The following SLC4A10 variants were observed in gnomAD, a reference collection of about 807,000 sequenced individuals.
The protein encoded by SLC4A10 is solute carrier family 4 member 10, also known as sodium-driven chloride bicarbonate exchanger.
SLC4A10 carries 42 observed loss-of-function variants against 137.7 expected under a neutral mutation model. The ratio of observed to expected loss-of-function variants is 0.30; its 90% confidence interval spans 0.24 to 0.39. SLC4A10 has a LOEUF of 0.39. SLC4A10 is among the 10% of genes least tolerant of loss of function. The probability of loss-of-function intolerance (pLI) is 1.00; values close to 1 mark genes in which losing one functional copy is unlikely to be tolerated. For synonymous variants in SLC4A10, 474 were observed against 464.1 expected (o/e 1.02, Z -0.27); for missense variants, 925 against 1,355.0 (o/e 0.68, Z 4.98).
chr2:161,732,048 A>G (rs2046873927), intron 1 of SLC4A10, among the ~76,000 whole-genome samples: 1 of 152,218 alleles, frequency 6.6e-6, no homozygotes, highest in Non-Finnish European at 1.5e-5. Context: ...CATGGAAAAG[A>G]GTGCAGAGCT....
chr2:161,912,920 G>A (rs1042499139), intron 15 of SLC4A10, among the ~76,000 whole-genome samples: 3 of 11,530 alleles, frequency 2.6e-4, no homozygotes, highest in African/African-American at 8.8e-4. Context: ...CTGATCCTAT[G>A]TCCAGCTATT....
intron 3 of SLC4A10, among the ~76,000 whole-genome samples, chr2:161,805,592 C>T (rs1036068601): frequency 6.6e-6 from 1 of 152,148 alleles, no homozygotes; most frequent in African/African-American, 2.4e-5. Context: ...AACAAAGGGG[C>T]TACAGGCCCA....
chr2:161,983,901 A>G lies in SLC4A10; in HGVS notation c.*749A>G, dbSNP rs1430560976. ...AATTCAAGTTGTGACTAATGATCAA[A>G]TACTAGGCTTGTACGAAATGCTTTA... is the stretch of plus-strand genomic sequence containing the variant. On this transcript the variant is annotated 3_prime_UTR_variant, in exon 27 of 27. Coordinates refer to ENST00000446997, the MANE Select transcript of SLC4A10 (RefSeq NM_001178015.2). 2.0e-5 allele frequency: 3 copies of G among 152,248 alleles called. No individual in the cohort carries two copies. The highest frequency in any genetic ancestry group is 4.4e-5 in the Non-Finnish European group (3 of 68,040). The allele number at this position is 152,248 out of a possible 1,614,324, so 9.4% of individuals were successfully genotyped here.
intron 22 of SLC4A10, 52 bp from the exon 23 acceptor site, chr2:161,964,999 C>T: frequency 6.5e-7 from 1 of 1,533,398 alleles, no homozygotes; most frequent in Non-Finnish European, 8.9e-7. Context: ...CAAATCTACA[C>T]CTCTCGTTTT....
At chr2:161,699,265 C>T (rs932602995) in intron 1 of SLC4A10, among the ~76,000 whole-genome samples, 2 of 152,138 alleles carry the variant, frequency 1.3e-5, no homozygotes, top group African/African-American at 2.4e-5. Context: ...CGTGATCTGT[C>T]GGCCTCGGCC....
chr2:161,842,685 A>G (rs2059254459), intron 4 of SLC4A10, among the ~76,000 whole-genome samples: 1 of 152,162 alleles, frequency 6.6e-6, no homozygotes, highest in Admixed American at 6.5e-5. Flanking sequence ...AACCTGGTAC[A>G]TATTAAGATT....
At chr2:161,734,747 T>A (rs77135462) in intron 1 of SLC4A10, among the ~76,000 whole-genome samples, 5,392 of 128,540 alleles carry the variant, frequency 0.042, 146 homozygotes, top group African/African-American at 0.11. Context: ...GTATATATAT[T>A]TTTTTTCTGA....
intron 4 of SLC4A10, among the ~76,000 whole-genome samples, chr2:161,847,178 G>A (rs1259005486): frequency 6.6e-6 from 1 of 151,914 alleles, no homozygotes; most frequent in African/African-American, 2.4e-5. Context: ...AGGAGGTTGT[G>A]GCTGCAGTGA....
chr2:161,894,894 AT>A (rs1312319448), intron 11 of SLC4A10, 69 bp downstream of exon 11: 12 of 884,298 alleles, frequency 1.4e-5, no homozygotes, highest in African/African-American at 1.1e-4. Context: ...GTTTTATTTT[AT>A]TTTATTTATT....
At chr2:161,882,308 T>A in intron 9 of SLC4A10, 49 bp from the exon 10 acceptor site, 1 of 1,194,774 alleles carries the variant, frequency 8.4e-7, no homozygotes, top group Non-Finnish European at 1.2e-6. Context: ...ATTACTAAAA[T>A]TATTTTTATA....
chr2:161,729,952 T>C (rs975384806), intron 1 of SLC4A10, among the ~76,000 whole-genome samples: 1 of 152,184 alleles, frequency 6.6e-6, no homozygotes, highest in Non-Finnish European at 1.5e-5. Flanking sequence ...ATATTAGGTT[T>C]GCTGGAATAT....
intron 1 of SLC4A10, among the ~76,000 whole-genome samples, chr2:161,634,329 A>T (rs1389446101): frequency 6.6e-6 from 1 of 151,950 alleles, no homozygotes; most frequent in Non-Finnish European, 1.5e-5. Flanking sequence ...CAGGATATAC[A>T]TATCTTACTT....
chr2:161,810,962 C>G (rs1055361093), intron 3 of SLC4A10, among the ~76,000 whole-genome samples: 3 of 151,944 alleles, frequency 2.0e-5, no homozygotes, highest in Admixed American at 2.0e-4. Flanking sequence ...CTTTGTAACT[C>G]TAGTAGAATT....
intron 1 of SLC4A10, among the ~76,000 whole-genome samples, chr2:161,643,325 A>T (rs1419598567): frequency 6.6e-6 from 1 of 152,118 alleles, no homozygotes; most frequent in Non-Finnish European, 1.5e-5. Context: ...TTAGCATTTG[A>T]AAAAGCATTA....
At chr2:161,657,688 T>C (rs1395717314) in intron 1 of SLC4A10, among the ~76,000 whole-genome samples, 1 of 152,088 alleles carries the variant, frequency 6.6e-6, no homozygotes, top group Admixed American at 6.5e-5. Flanking sequence ...CTGTTTCTGT[T>C]ATTTCTAAAT....
chr2:161,854,551 A>T (rs1380478745), intron 4 of SLC4A10, among the ~76,000 whole-genome samples: 1 of 152,148 alleles, frequency 6.6e-6, no homozygotes, highest in Non-Finnish European at 1.5e-5. Context: ...AATTACCAAG[A>T]GACTAAAATA....
chr2:161,698,430 A>G (rs983272434), intron 1 of SLC4A10, among the ~76,000 whole-genome samples: 2 of 152,158 alleles, frequency 1.3e-5, no homozygotes, highest in Non-Finnish European at 2.9e-5. Flanking sequence ...TCAGCATGAT[A>G]TTGGCTGTGG....
chr2:161,826,526 T>C (rs1370033237), intron 3 of SLC4A10, among the ~76,000 whole-genome samples: 1 of 152,182 alleles, frequency 6.6e-6, no homozygotes, highest in Non-Finnish European at 1.5e-5. Flanking sequence ...AGAGTGCTTT[T>C]GGAGAGGGCC....
At chr2:161,788,851 A>C (rs1487263074) in intron 2 of SLC4A10, among the ~76,000 whole-genome samples, 1 of 152,176 alleles carries the variant, frequency 6.6e-6, no homozygotes, top group Non-Finnish European at 1.5e-5. Flanking sequence ...GCTGCCACGA[A>C]GAGTGCTGGA....
Sources: allele counts gnomAD v4.1 joint callset (sites outside exome capture counted in the v4.1 genomes callset), GRCh38; gene constraint gnomAD v4.1.1; transcripts MANE v1.5; gene names NCBI Gene and HGNC (gene_info 2026-07-23, HGNC 2026-07-21).